The following ZNF664 variants were observed in gnomAD, a reference collection of about 807,000 sequenced individuals.
ZNF664 encodes the protein zinc finger Organ of Corti 1.
A neutral mutation model predicts 18.2 loss-of-function variants in ZNF664; 10 were observed. That is an observed-to-expected ratio of 0.55 (90% CI 0.34 to 0.93). The LOEUF (loss-of-function observed/expected upper bound fraction) is 0.93. ZNF664 is among the 40% of genes least tolerant of loss of function. The pLI, the probability that ZNF664 is intolerant of heterozygous loss-of-function variation, is 0.02. For synonymous variants in ZNF664, 119 were observed against 104.2 expected (o/e 1.14, Z -0.86); for missense variants, 193 against 319.0 (o/e 0.61, Z 3.01).
intron 2 of ZNF664, among the ~76,000 whole-genome samples, chr12:123,977,054 TG>T (rs1956701772): frequency 6.6e-6 from 1 of 152,172 alleles, no homozygotes; most frequent in South Asian, 2.1e-4. Flanking sequence ...CACTCCAGCC[TG>T]GGCAACAGAG....
chr12:124,013,008 C>A lies in ZNF664; in HGVS notation c.*78C>A, dbSNP rs561246970. ...GAAACCCTGTATATACCTACATTGA[C>A]CCAAGAAATATTTACGCAATCCCTA... On this transcript the variant is annotated 3_prime_UTR_variant, in exon 5 of 5. Coordinates refer to ENST00000337815, the MANE Select transcript of ZNF664 (RefSeq NM_152437.3). The A allele has an allele frequency of 3.4e-6, 5 of 1,484,886 alleles. No individual in the cohort carries two copies. The South Asian group carries it at 6.8e-5, about 20-fold the overall frequency. 92.0% of individuals were successfully genotyped at this position (1,484,886 alleles called of 1,614,324 possible).
chr12:123,975,801 A>G (rs1166291588), intron 2 of ZNF664, among the ~76,000 whole-genome samples: 1 of 152,196 alleles, frequency 6.6e-6, no homozygotes, highest in Non-Finnish European at 1.5e-5. Context: ...ACACTAGACA[A>G]TACTCGCACT....
intron 3 of ZNF664, among the ~76,000 whole-genome samples, chr12:124,004,267 A>G (rs1957045437): frequency 6.6e-6 from 1 of 152,236 alleles, no homozygotes; most frequent in South Asian, 2.1e-4. Flanking sequence ...AAGGAACCCA[A>G]GCCAGCATGG....
intron 3 of ZNF664, among the ~76,000 whole-genome samples, chr12:123,995,707 G>A (rs1594560601): frequency 6.6e-6 from 1 of 152,212 alleles, no homozygotes; most frequent in East Asian, 1.9e-4. Flanking sequence ...GAACCCAGTA[G>A]CGCTGGAGGT....
At chr12:124,008,521 C>A (rs907062946) in intron 3 of ZNF664, among the ~76,000 whole-genome samples, 1 of 152,192 alleles carries the variant, frequency 6.6e-6, no homozygotes, top group African/African-American at 2.4e-5. Context: ...GAGGAGAATG[C>A]ACATATTAGC....
intron 2 of ZNF664, among the ~76,000 whole-genome samples, chr12:123,983,146 CA>C (rs918081110): frequency 1.7e-4 from 25 of 151,374 alleles, no homozygotes; most frequent in African/African-American, 5.8e-4. Context: ...GACCCTGTCT[CA>C]AAAAAATAAA....
intron 2 of ZNF664, 57 bp downstream of exon 2, chr12:123,974,077 C>A: frequency 8.8e-7 from 1 of 1,142,410 alleles, no homozygotes; most frequent in South Asian, 4.4e-5. Context: ...CGCAGGCGTT[C>A]TCACCCCTTC....
Sources: gnomAD v4.1 joint callset for allele counts (sites outside exome capture counted in the v4.1 genomes callset) on GRCh38, gnomAD v4.1.1 for gene constraint, MANE v1.5 for transcripts, NCBI Gene and HGNC (gene_info 2026-07-23, HGNC 2026-07-21) for gene names.